NGB: variants seen among roughly 807,000 people sequenced by gnomAD.
NGB encodes the protein nitrite reductase.
A neutral mutation model predicts 17.3 loss-of-function variants in NGB; 12 were observed. The ratio of observed to expected loss-of-function variants is 0.69; its 90% CI spans 0.45 to 1.13. The LOEUF (loss-of-function observed/expected upper bound fraction) is 1.13, where lower values mean the gene tolerates loss of function less well. Among genes scored for constraint, NGB ranks in the 50% most tolerant of loss-of-function variants. The pLI is 0.00. For synonymous variants in NGB, 87 were observed against 81.0 expected, an observed-to-expected ratio of 1.07 and a Z score of -0.40; for missense variants, 195 against 191.7, an observed-to-expected ratio of 1.02 and a Z score of -0.10.
At position 77,268,499 on chromosome 14, in the gene NGB, G is replaced by A. The variant is rs1889704452; in HGVS notation, c.288C>T (p.His96=). The part of the protein sequence containing the change: ...EEYLASLGRK[H]RAVGVKLSSF... ...AGCTGAGCTTCACACCCACTGCCCG[G>A]TGCTTCCTGCCCAGGCTGGCAAGGT... Residue 96 remains histidine (H), a synonymous_variant, in exon 3 of 4, where the codon CAC becomes CAT. Coordinates refer to ENST00000298352, the MANE Select transcript of NGB (RefSeq NM_021257.4). 6.2e-7 allele frequency: 1 copy of A among 1,613,288 alleles called. No homozygotes were observed. The highest frequency in any genetic ancestry group is 1.1e-5 in the South Asian group (1 of 91,028).
chr14:77,266,656 A>C lies in NGB; in HGVS notation c.336T>G (p.Ser112=). 1 of 1,613,938 alleles carries C rather than the reference A, an allele frequency of 6.2e-7. No individual in the cohort carries two copies. Among genetic ancestry groups the C allele is most frequent in the Admixed American group, 1.7e-5 (1 of 59,982 alleles). The change falls in exon 4 of 4, where the codon TCT becomes TCG. Residue 112 remains serine, a synonymous_variant. Coordinates refer to ENST00000298352, the MANE Select transcript of NGB (RefSeq NM_021257.4). ...KLSSFSTVGE[S]LLYMLEKCLG... ...GACACTTCTCCAGCATGTAGAGCAG[A>C]GACTCACCCACTGTCTGCAGAGGCA...
In NGB at chr14:77,270,841, G is replaced by A; in HGVS notation, c.89+8C>T. ...ACCCGCATCCCCGGGCGCTCGTGTA[G>A]CCCTCACCTGGCAAACAGGACGGTG... On this transcript the variant is annotated splice_region_variant and intron_variant, in intron 1 of 3. Coordinates refer to ENST00000298352, the MANE Select transcript of NGB (RefSeq NM_021257.4). 6.4e-7 allele frequency: 1 copy of A among 1,572,804 alleles called. No individual in the cohort carries two copies. Among genetic ancestry groups the A allele is most frequent in the Admixed American group, 1.7e-5 (1 of 58,004 alleles).
chr14:77,265,914 G>A lies in NGB; in HGVS notation c.*622C>T, dbSNP rs931264926. On this transcript the variant is annotated 3_prime_UTR_variant, in exon 4 of 4. Coordinates refer to ENST00000298352, the MANE Select transcript of NGB (RefSeq NM_021257.4). This position sits in a 1 kb window ranked among gnomAD's most constrained non-coding sequence, Gnocchi z 4.7. ...AAAGGGAATGCCGCCAAAGGAAACC[G>A]ACTCTGTCAGGGCATCTGCACAGCC... The A allele has an allele frequency of 2.7e-5, 5 of 185,730 alleles. No individual in the cohort carries two copies. The highest frequency in any genetic ancestry group is 9.2e-5 in the African/African-American group (4 of 43,328). 11.5% of individuals were successfully genotyped at this position (185,730 alleles called of 1,614,324 possible). A position where few individuals can be genotyped will look rare whatever the true frequency, so the allele number is the denominator to read the frequency against.
rs959951286 is a variant in NGB, at chr14:77,265,862, G to C, written c.*674C>G. ...CCTGCAGCAGCGGAATAGTCAGGGA[G>C]TTCCCAGCAGAAGTGCTGAATGAGG... On this transcript the variant is annotated 3_prime_UTR_variant, in exon 4 of 4. Transcript: ENST00000298352. This position sits in a 1 kb window ranked among gnomAD's most constrained non-coding sequence, Gnocchi z 4.7. The C allele has an allele frequency of 5.8e-6, 1 of 171,254 alleles. No homozygotes were observed. The highest frequency in any genetic ancestry group is 2.4e-5 in the African/African-American group (1 of 42,376). The allele number at this position is 171,254 out of a possible 1,614,324, so 10.6% of individuals were successfully genotyped here. A position where few individuals can be genotyped will look rare whatever the true frequency, so the allele number is the denominator to read the frequency against.
chr14:77,267,147 T>C (rs1889684696), intron 3 of NGB, among the ~76,000 whole-genome samples: 1 of 152,164 alleles, frequency 6.6e-6, no homozygotes, highest in Non-Finnish European at 1.5e-5. Flanking sequence ...TCATCAGTGA[T>C]ACAGGGAAAG....
intron 1 of NGB, among the ~76,000 whole-genome samples, chr14:77,269,607 G>A (rs1349346120): frequency 4.0e-5 from 6 of 151,482 alleles, no homozygotes; most frequent in South Asian, 2.1e-4. Context: ...GTGTGATTTG[G>A]GACAGGAAGA....
intron 2 of NGB, among the ~76,000 whole-genome samples, 174 bp from the exon 3 acceptor site, chr14:77,268,759 C>T (rs113276315): frequency 3.3e-5 from 5 of 152,212 alleles, no homozygotes; most frequent in African/African-American, 4.8e-5. Flanking sequence ...GCACCCGATA[C>T]GTGGTGGCCA....
intron 1 of NGB, 84 bp downstream of exon 1, chr14:77,270,765 C>A (rs1050935950): frequency 1.0e-5 from 13 of 1,257,474 alleles, no homozygotes; most frequent in African/African-American, 1.5e-5. Context: ...AGTTTTCCCT[C>A]CTTCGGGGCC....
At chr14:77,269,461 C>G in intron 1 of NGB, 135 bp from the exon 2 acceptor site, 2 of 605,184 alleles carry the variant, frequency 3.3e-6, no homozygotes, top group South Asian at 1.8e-5. Flanking sequence ...ACTCTCCCAC[C>G]TGGCACTGCT....
chr14:77,268,467 G>A lies in NGB; in HGVS notation c.320C>T (p.Ser107Leu), dbSNP rs773475357. The A allele has an allele frequency of 2.2e-5, 35 of 1,611,766 alleles. No homozygotes were observed. The highest frequency in any genetic ancestry group is 1.6e-4 in the Middle Eastern group (1 of 6,082). The change falls in exon 3 of 4, where the codon TCG (serine) becomes TTG (leucine). Residue 107 changes from serine to leucine, a missense_variant and splice_region_variant. Coordinates refer to ENST00000298352, the MANE Select transcript of NGB (RefSeq NM_021257.4). ...RAVGVKLSSF[S>L]TVGESLLYML... ...GAGAGTCAGAGCTCCTTTACCCACC[G>A]AGAAGGAGCTGAGCTTCACACCCAC...
In NGB at chr14:77,270,835, CG is replaced by C. The variant is rs1566637948; in HGVS notation, c.89+13del. 2 of 1,563,910 alleles carry C rather than the reference CG, an allele frequency of 1.3e-6. No homozygotes were observed. The highest frequency in any genetic ancestry group is 1.7e-6 in the Non-Finnish European group (2 of 1,159,740). On this transcript the variant is annotated intron_variant, in intron 1 of 3. Coordinates refer to ENST00000298352, the MANE Select transcript of NGB (RefSeq NM_021257.4). ...GCCTCCACCCGCATCCCCGGGCGCT[CG>C]TGTAGCCCTCACCTGGCAAACAGGA...
intron 1 of NGB, 50 bp downstream of exon 1, chr14:77,270,799 C>G (rs1277342614): frequency 2.0e-6 from 3 of 1,467,220 alleles, no homozygotes; most frequent in Non-Finnish European, 2.8e-6. Context: ...GACCCCTTTC[C>G]CGCCGAGGCA....
chr14:77,270,723 C>T, intron 1 of NGB, 126 bp downstream of exon 1: 1 of 838,266 alleles, frequency 1.2e-6, no homozygotes, highest in Non-Finnish European at 1.9e-6. Flanking sequence ...TGGCGCACAT[C>T]TGGCAGGCGC....
rs1031169720 is a variant in NGB at position 77,265,807 on chromosome 14, C to A, written c.*729G>T. On this transcript the variant is annotated 3_prime_UTR_variant, in exon 4 of 4. Transcript: ENST00000298352. The surrounding 1 kb of genome is among the most constrained non-coding windows in gnomAD (Gnocchi z 4.7). ...CCCCTCCTTCCTGGCCGGTCCCCAG[C>A]CCCTCCCCACCTGGCCAGCTAGCTG... 2 of 163,930 alleles carry A rather than the reference C, an allele frequency of 1.2e-5. No homozygotes were observed. The highest frequency in any genetic ancestry group is 1.1e-4 in the Admixed American group (2 of 17,632). The allele number at this position is 163,930 out of a possible 1,614,324, so 10.2% of individuals were successfully genotyped here.
rs766488042 is a variant in NGB, at chr14:77,266,261, C to T, written c.*275G>A. ...ACCTCTGCCACCAAAACACTCATCG[C>T]GGGGTCAGAGGGAGTGCCAAAAAAG... is the stretch of plus-strand genomic sequence containing the variant. On this transcript the variant is annotated 3_prime_UTR_variant, in exon 4 of 4. Transcript: ENST00000298352. 1.3e-4 allele frequency: 87 copies of T among 662,050 alleles called. No homozygotes were observed. In the Admixed American group the frequency reaches 1.4e-3, roughly 11 times the overall value. The allele number at this position is 662,050 out of a possible 1,614,324, so 41.0% of individuals were successfully genotyped here. A position where few individuals can be genotyped will look rare whatever the true frequency, so the allele number is the denominator to read the frequency against.
chr14:77,268,976 G>T (rs772825758), intron 2 of NGB, among the ~76,000 whole-genome samples: 38 of 152,188 alleles, frequency 2.5e-4, no homozygotes, highest in South Asian at 6.2e-4. Flanking sequence ...ACCTATGGGA[G>T]CCAGAGGACA....
intron 3 of NGB, 139 bp downstream of exon 3, chr14:77,268,327 G>C (rs1447934158): frequency 3.0e-5 from 25 of 840,576 alleles, no homozygotes; most frequent in Non-Finnish European, 4.5e-5. Flanking sequence ...CCACACAGCA[G>C]GTAACAGATG....
chr14:77,266,993 G>A (rs1040061111), intron 3 of NGB, among the ~76,000 whole-genome samples: 5 of 152,234 alleles, frequency 3.3e-5, no homozygotes, highest in Non-Finnish European at 7.3e-5. Context: ...CCAGACTTGA[G>A]TTTCCTCATC....
rs1038711399 is a variant in NGB, at chr14:77,271,193, G to C, written c.-256C>G. 7.6e-6 allele frequency: 3 copies of C among 396,648 alleles called. No homozygotes were observed. In the South Asian group the frequency reaches 1.6e-4, roughly 22 times the overall value. 24.6% of individuals were successfully genotyped at this position (396,648 alleles called of 1,614,324 possible). ...CCGCTGCGCCCTGCGCCCCGCAGCCGCCAGAGCCGCCCCACCCCGCGACGC... is the reference window on the plus strand; with the variant it reads ...CCGCTGCGCCCTGCGCCCCGCAGCCCCCAGAGCCGCCCCACCCCGCGACGC... On this transcript the variant is annotated 5_prime_UTR_variant, in exon 1 of 4. Transcript: ENST00000298352.
Sources: gnomAD v4.1 joint callset for allele counts (sites outside exome capture counted in the v4.1 genomes callset) on GRCh38, gnomAD v4.1.1 for gene constraint, Gnocchi (gnomAD v3.1) non-coding constraint, MANE v1.5 for transcripts, NCBI Gene and HGNC (gene_info 2026-07-23, HGNC 2026-07-21) for gene names.